FBXL7: variants seen among roughly 807,000 people sequenced by gnomAD.
The protein encoded by FBXL7 is F-box/LRR-repeat protein 7.
FBXL7 carries 12 observed loss-of-function variants against 38.3 expected under a neutral mutation model. The observed-to-expected ratio is 0.31, with a 90% CI of 0.20 to 0.51. The LOEUF is 0.51. Ranked by LOEUF, FBXL7 falls within the 20% of genes least tolerant of loss-of-function variation. FBXL7 has a pLI of 0.98. For missense variants in FBXL7, 567 were observed against 676.4 expected, an observed-to-expected ratio of 0.84 and a Z score of 1.79; for synonymous variants, 297 against 300.9, an observed-to-expected ratio of 0.99 and a Z score of 0.13.
In FBXL7 at chr5:15,707,792, T is replaced by A. The variant is rs76394578; in HGVS notation, c.127+91720T>A. On this transcript the variant is annotated intron_variant, in intron 2 of 3. Coordinates refer to ENST00000504595, the MANE Select transcript of FBXL7 (RefSeq NM_012304.5). ...GTATGCCCCAAATCACTTCAAAGTTTCTTGCAGCATCTGGGTGTGCTCCAG... is the reference window on the plus strand; with the variant it reads ...GTATGCCCCAAATCACTTCAAAGTTACTTGCAGCATCTGGGTGTGCTCCAG... Among the ~76,000 whole-genome samples, 3 of 152,280 alleles carry A rather than the reference T, an allele frequency of 2.0e-5. No homozygotes were observed. The East Asian group carries it at 5.8e-4, about 29-fold the overall frequency.
At chr5:15,793,256 G>T (rs1486254763) in intron 2 of FBXL7, among the ~76,000 whole-genome samples, 1 of 152,176 alleles carries the variant, frequency 6.6e-6, no homozygotes, top group Non-Finnish European at 1.5e-5. Context: ...ATTCTTTCAT[G>T]GTTCTGGAGG....
At position 15,890,574 on chromosome 5, in the gene FBXL7, T is replaced by C. The variant is rs367772433; in HGVS notation, c.128-37316T>C. 7.2e-5 allele frequency among the ~76,000 whole-genome samples: 11 copies of C among 152,264 alleles called. No homozygotes were observed. The East Asian group carries it at 1.6e-3, about 21-fold the overall frequency. ...ATTCTTACAGGAGTGCAAGCCCTAT[T>C]GTGAACTGCGCATGCAACGGACCTA... On this transcript the variant is annotated intron_variant, in intron 2 of 3. Coordinates refer to ENST00000504595, the MANE Select transcript of FBXL7 (RefSeq NM_012304.5).
Position 15,928,122 on chromosome 5 carries a change from C to T in FBXL7, c.360C>T (p.His120=). Residue 120 remains histidine (H), a synonymous_variant, in exon 3 of 4, where the codon CAC becomes CAT. Coordinates refer to ENST00000504595, the MANE Select transcript of FBXL7 (RefSeq NM_012304.5). The surrounding 1 kb of genome is among the most constrained non-coding windows in gnomAD (Gnocchi z 4.0). ...CCAGCATAGACCGGCTCCCGGACCA[C>T]TCCATGGTGCAGATCTTCTCCTTCC... The part of the protein sequence containing the change: ...EQASIDRLPD[H]SMVQIFSFLP... 2 of 1,611,980 alleles carry T rather than the reference C, an allele frequency of 1.2e-6. No homozygotes were observed. Among genetic ancestry groups the T allele is most frequent in the African/African-American group, 2.7e-5 (2 of 74,936 alleles).
At chr5:15,751,392 G>C (rs1476511191) in intron 2 of FBXL7, among the ~76,000 whole-genome samples, 1 of 152,162 alleles carries the variant, frequency 6.6e-6, no homozygotes, top group East Asian at 1.9e-4. Context: ...TGGAGGTTTA[G>C]ATGAGAACTT....
intron 2 of FBXL7, among the ~76,000 whole-genome samples, chr5:15,668,467 C>T (rs560413829): frequency 3.3e-4 from 50 of 151,640 alleles, no homozygotes; most frequent in Middle Eastern, 6.8e-3. Context: ...CTGGGTATGG[C>T]CATTTGACTA....
intron 1 of FBXL7, among the ~76,000 whole-genome samples, 177 bp downstream of exon 1, chr5:15,500,890 C>T (rs1736470233): frequency 1.3e-5 from 2 of 152,120 alleles, no homozygotes; most frequent in African/African-American, 2.4e-5. Context: ...GTCAGGCGCC[C>T]CGAGGATGCT....
At chr5:15,891,305 T>C (rs1740892643) in intron 2 of FBXL7, among the ~76,000 whole-genome samples, 1 of 152,192 alleles carries the variant, frequency 6.6e-6, no homozygotes, top group Non-Finnish European at 1.5e-5. Context: ...TCAATGATTT[T>C]ATATCCCATC....
intron 2 of FBXL7, among the ~76,000 whole-genome samples, chr5:15,652,233 G>T (rs1741733875): frequency 2.6e-5 from 4 of 152,130 alleles, no homozygotes; most frequent in Admixed American, 2.6e-4. Context: ...CTTATCATTT[G>T]TGTGTTCACT....
intron 2 of FBXL7, among the ~76,000 whole-genome samples, chr5:15,741,721 C>T (rs78537374): frequency 3.2e-4 from 48 of 152,226 alleles, no homozygotes; most frequent in African/African-American, 1.1e-3. Flanking sequence ...TCCAGTTAAC[C>T]CGTTTTATAA....
At chr5:15,811,164 T>C (rs407717) in intron 2 of FBXL7, among the ~76,000 whole-genome samples, 82,340 of 152,036 alleles carry the variant, frequency 0.54, 23,368 homozygotes, top group Non-Finnish European at 0.64. Flanking sequence ...TCCACCCTTT[T>C]CTATGATTAT....
At chr5:15,518,479 C>T (rs943955652) in intron 1 of FBXL7, among the ~76,000 whole-genome samples, 1 of 152,132 alleles carries the variant, frequency 6.6e-6, no homozygotes, top group African/African-American at 2.4e-5. Context: ...GGAAAGGCAG[C>T]TCATGGAGAG....
At chr5:15,619,882 C>CAT (rs1740570218) in intron 2 of FBXL7, among the ~76,000 whole-genome samples, 1 of 152,152 alleles carries the variant, frequency 6.6e-6, no homozygotes, top group East Asian at 1.9e-4. Flanking sequence ...TTGTGTCTGA[C>CAT]ATCTACATGG....
intron 2 of FBXL7, among the ~76,000 whole-genome samples, chr5:15,773,520 G>T (rs548196600): frequency 2.0e-5 from 3 of 151,868 alleles, no homozygotes; most frequent in Non-Finnish European, 2.9e-5. Flanking sequence ...GGTGTTGTGT[G>T]CATATGGTCC....
At chr5:15,754,681 T>C (rs370792246) in intron 2 of FBXL7, among the ~76,000 whole-genome samples, 1 of 152,186 alleles carries the variant, frequency 6.6e-6, no homozygotes, top group East Asian at 1.9e-4. Flanking sequence ...TAGGCTCTAG[T>C]TGTATCTGTA....
intron 1 of FBXL7, among the ~76,000 whole-genome samples, chr5:15,519,430 A>G (rs1022227132): frequency 6.6e-6 from 1 of 151,446 alleles, no homozygotes; most frequent in Non-Finnish European, 1.5e-5. Flanking sequence ...ATATTCTGCC[A>G]GAGACTTAGA....
At chr5:15,851,813 TACACACACACACACAC>T (rs35896061) in intron 2 of FBXL7, among the ~76,000 whole-genome samples, 6 of 133,612 alleles carry the variant, frequency 4.5e-5, no homozygotes, top group Admixed American at 2.3e-4. Context: ...TGCAAACTAA[TACACACACACACACAC>T]ACACACACAC....
chr5:15,656,155 T>C (rs1741875249), intron 2 of FBXL7, among the ~76,000 whole-genome samples: 1 of 152,218 alleles, frequency 6.6e-6, no homozygotes, highest in Admixed American at 6.5e-5. Flanking sequence ...AACTATCTGC[T>C]CCATACAGAG....
At chr5:15,913,962 C>G (rs1741513528) in intron 2 of FBXL7, among the ~76,000 whole-genome samples, 1 of 152,172 alleles carries the variant, frequency 6.6e-6, no homozygotes, top group Admixed American at 6.5e-5. Context: ...GACAGGAATA[C>G]AAACAAAAGT....
At chr5:15,666,709 AAC>A (rs1403535949) in intron 2 of FBXL7, among the ~76,000 whole-genome samples, 6 of 152,238 alleles carry the variant, frequency 3.9e-5, no homozygotes, top group Admixed American at 3.3e-4. Context: ...AGAAAACTGG[AAC>A]ACACTTGGAT....
Sources: allele counts gnomAD v4.1 joint callset (sites outside exome capture counted in the v4.1 genomes callset), GRCh38; gene constraint gnomAD v4.1.1; non-coding constraint Gnocchi (gnomAD v3.1); transcripts MANE v1.5; gene names NCBI Gene and HGNC (gene_info 2026-07-23, HGNC 2026-07-21).